SLIT2: variants seen among roughly 807,000 people sequenced by gnomAD.
The protein encoded by SLIT2 is slit homolog 2 protein.
Under a neutral mutation model 185.7 loss-of-function variants are expected in SLIT2, and 41 were observed. The observed-to-expected ratio is 0.22, with a 90% CI of 0.17 to 0.29. SLIT2 has a LOEUF of 0.29. Ranked by LOEUF, SLIT2 falls within the 10% of genes least tolerant of loss-of-function variation. The probability of loss-of-function intolerance (pLI) is 1.00; values close to 1 mark genes in which losing one functional copy is unlikely to be tolerated. For synonymous variants in SLIT2, 693 were observed against 680.2 expected (o/e 1.02, Z -0.29); for missense variants, 1,571 against 1,909.0 (o/e 0.82, Z 3.30).
intron 4 of SLIT2, among the ~76,000 whole-genome samples, chr4:20,391,692 T>G (rs575501034): frequency 6.6e-6 from 1 of 152,254 alleles, no homozygotes; most frequent in East Asian, 1.9e-4. Flanking sequence ...GACCTGGTTA[T>G]CTTTCTGAGT....
chr4:20,584,984 G>A (rs1279519993), intron 29 of SLIT2, among the ~76,000 whole-genome samples: 1 of 152,066 alleles, frequency 6.6e-6, no homozygotes, highest in Non-Finnish European at 1.5e-5. Flanking sequence ...GAGCCTGGGA[G>A]GCAGAGGTTA....
At chr4:20,338,770 C>A (rs534658101) in intron 4 of SLIT2, among the ~76,000 whole-genome samples, 2 of 152,166 alleles carry the variant, frequency 1.3e-5, no homozygotes, top group South Asian at 4.1e-4. Flanking sequence ...TACCAACAAT[C>A]TATTATTGTT....
chr4:20,581,957 G>T (rs1313218735), intron 29 of SLIT2, among the ~76,000 whole-genome samples: 1 of 152,202 alleles, frequency 6.6e-6, no homozygotes, highest in Non-Finnish European at 1.5e-5. Flanking sequence ...ATCTTGGCCA[G>T]GCTTGTCTCA....
At chr4:20,353,819 C>A (rs1722079978) in intron 4 of SLIT2, among the ~76,000 whole-genome samples, 1 of 152,112 alleles carries the variant, frequency 6.6e-6, no homozygotes, top group Admixed American at 6.6e-5. Context: ...AAACTAGAAC[C>A]AGATTTCTTT....
intron 29 of SLIT2, among the ~76,000 whole-genome samples, chr4:20,587,922 T>C (rs910277114): frequency 3.9e-5 from 6 of 152,212 alleles, no homozygotes; most frequent in African/African-American, 1.4e-4. Flanking sequence ...TGACATTTAT[T>C]ATGTATCTCA....
intron 18 of SLIT2, among the ~76,000 whole-genome samples, chr4:20,536,371 A>G (rs900472639): frequency 6.6e-6 from 1 of 152,118 alleles, no homozygotes; most frequent in African/African-American, 2.4e-5. Flanking sequence ...AGCCTGGCCA[A>G]TATGGTGAAA....
At chr4:20,267,604 G>A (rs1235172047) in intron 3 of SLIT2, among the ~76,000 whole-genome samples, 2 of 151,932 alleles carry the variant, frequency 1.3e-5, no homozygotes, top group East Asian at 3.9e-4. Flanking sequence ...GAGATAAGCA[G>A]TTGAGAGTTT....
intron 26 of SLIT2, among the ~76,000 whole-genome samples, chr4:20,564,256 C>T (rs536437450): frequency 6.6e-6 from 1 of 151,720 alleles, no homozygotes; most frequent in East Asian, 1.9e-4. Flanking sequence ...AGAAGATGGA[C>T]TTAGAAGGGC....
intron 4 of SLIT2, among the ~76,000 whole-genome samples, chr4:20,454,109 A>T (rs528505683): frequency 6.6e-6 from 1 of 152,274 alleles, no homozygotes; most frequent in Non-Finnish European, 1.5e-5. Context: ...GGGAATTCTA[A>T]AGGATAGAAA....
intron 4 of SLIT2, among the ~76,000 whole-genome samples, chr4:20,404,373 GA>G (rs1726601191): frequency 6.6e-6 from 1 of 151,854 alleles, no homozygotes; most frequent in Admixed American, 6.6e-5. Flanking sequence ...CTCTTGCTCT[GA>G]AATAAGATAT....
intron 4 of SLIT2, among the ~76,000 whole-genome samples, chr4:20,344,393 G>A (rs1032747998): frequency 3.3e-5 from 5 of 152,098 alleles, no homozygotes; most frequent in Non-Finnish European, 7.4e-5. Flanking sequence ...TATTATACAC[G>A]ATTTCATGGT....
intron 4 of SLIT2, among the ~76,000 whole-genome samples, chr4:20,291,379 G>A (rs1379860395): frequency 6.8e-6 from 1 of 146,314 alleles, no homozygotes; most frequent in Non-Finnish European, 1.5e-5. Flanking sequence ...GGCTGAGGAG[G>A]AGGAGAATGG....
chr4:20,504,121 C>G (rs1718987615), intron 9 of SLIT2, among the ~76,000 whole-genome samples: 1 of 152,090 alleles, frequency 6.6e-6, no homozygotes, highest in South Asian at 2.1e-4. Flanking sequence ...ATAGAAAGTA[C>G]TTACTTTACA....
intron 25 of SLIT2, chr4:20,552,551 G>A (rs891407318): frequency 1.3e-5 from 2 of 152,012 alleles, no homozygotes; most frequent in Non-Finnish European, 2.9e-5. Context: ...GGACTTAAAT[G>A]TTGATAGAGA....
In SLIT2 at chr4:20,528,825, A is replaced by G. The variant is rs1721527973; in HGVS notation, c.1463-124A>G. 1.4e-6 allele frequency: 1 copy of G among 717,066 alleles called. No homozygotes were observed. Among genetic ancestry groups the G allele is most frequent in the Admixed American group, 2.9e-5 (1 of 35,038 alleles). The allele number at this position is 717,066 out of a possible 1,614,324, so 44.4% of individuals were successfully genotyped here. On this transcript the variant is annotated intron_variant, in intron 15 of 36. Transcript: ENST00000504154. This position sits in a 1 kb window ranked among gnomAD's most constrained non-coding sequence, Gnocchi z 4.2. ...ACCTTTCTCCTGACATCCATTGACC[A>G]AAATACCCCAAGTTGTCTCCCTGCT...
chr4:20,292,970 G>T (rs1716109103), intron 4 of SLIT2, among the ~76,000 whole-genome samples: 1 of 152,186 alleles, frequency 6.6e-6, no homozygotes, highest in South Asian at 2.1e-4. Flanking sequence ...TCTGAATGGG[G>T]TATCTGCGAA....
intron 32 of SLIT2, 51 bp from the exon 33 acceptor site, chr4:20,598,214 T>C: frequency 6.3e-7 from 1 of 1,581,428 alleles, no homozygotes; most frequent in Non-Finnish European, 8.6e-7. Context: ...TCTGATCAAA[T>C]ACGTTTGGTT....
At chr4:20,464,686 C>G (rs1343782766) in intron 4 of SLIT2, among the ~76,000 whole-genome samples, 1 of 152,192 alleles carries the variant, frequency 6.6e-6, no homozygotes, top group African/African-American at 2.4e-5. Context: ...AACCAGACCA[C>G]AAACTACTGG....
chr4:20,360,292 T>TG (rs1722638569), intron 4 of SLIT2, among the ~76,000 whole-genome samples: 1 of 152,116 alleles, frequency 6.6e-6, no homozygotes, highest in African/African-American at 2.4e-5. Context: ...TATACGTTAG[T>TG]GGGAGTTTTA....
Sources: allele counts gnomAD v4.1 joint callset (sites outside exome capture counted in the v4.1 genomes callset), GRCh38; gene constraint gnomAD v4.1.1; non-coding constraint Gnocchi (gnomAD v3.1); transcripts MANE v1.5; gene names NCBI Gene and HGNC (gene_info 2026-07-23, HGNC 2026-07-21).